ZBBX: variants seen among roughly 807,000 people sequenced by gnomAD.
ZBBX encodes the protein zinc finger B-box domain-containing protein 1.
ZBBX carries 101 observed loss-of-function variants against 108.5 expected under a neutral mutation model. The ratio of observed to expected loss-of-function variants is 0.93; its 90% CI spans 0.79 to 1.10. The LOEUF (loss-of-function observed/expected upper bound fraction) is 1.10. ZBBX is among the 50% of genes least tolerant of loss of function. The probability of loss-of-function intolerance (pLI) is 0.00; values close to 1 mark genes in which losing one functional copy is unlikely to be tolerated. For missense variants in ZBBX, 1,009 were observed against 941.4 expected, an observed-to-expected ratio of 1.07 and a Z score of -0.94; for synonymous variants, 356 against 323.4, an observed-to-expected ratio of 1.10 and a Z score of -1.08.
chr3:167,247,545 AG>A (rs772731819), intron 20 of ZBBX, among the ~76,000 whole-genome samples: 9 of 152,300 alleles, frequency 5.9e-5, no homozygotes, highest in Admixed American at 1.3e-4. Context: ...GACAAGCTAG[AG>A]GGTCTAATTG....
the ZBBX span, among the ~76,000 whole-genome samples, chr3:167,198,314 T>C: frequency 6.6e-6 from 1 of 152,116 alleles, no homozygotes; most frequent in Non-Finnish European, 1.5e-5. Flanking sequence ...TTATAAGGGC[T>C]TTATTAAACT....
intron 20 of ZBBX, among the ~76,000 whole-genome samples, chr3:167,271,514 T>C (rs1726515318): frequency 6.6e-6 from 1 of 152,042 alleles, no homozygotes; most frequent in African/African-American, 2.4e-5. Flanking sequence ...GGAAAATGGG[T>C]ATTACCAGAC....
intron 19 of ZBBX, among the ~76,000 whole-genome samples, chr3:167,287,767 G>C (rs555158854): frequency 6.6e-6 from 1 of 151,958 alleles, no homozygotes; most frequent in Non-Finnish European, 1.5e-5. Context: ...AGTTGCTGTC[G>C]ACTTTGATGT....
intron 1 of ZBBX, among the ~76,000 whole-genome samples, chr3:167,406,700 G>T (rs990490855): frequency 3.3e-5 from 5 of 152,196 alleles, no homozygotes; most frequent in Admixed American, 2.6e-4. Context: ...TAGGAAAGTA[G>T]TTTACAATTC....
the ZBBX span, among the ~76,000 whole-genome samples, chr3:167,225,984 G>A: frequency 6.6e-6 from 1 of 151,188 alleles, no homozygotes; most frequent in African/African-American, 2.4e-5. Flanking sequence ...AGGGCATGTA[G>A]CTTGTCAGAG....
intron 7 of ZBBX, among the ~76,000 whole-genome samples, 173 bp from the exon 8 acceptor site, chr3:167,360,152 A>C (rs1001744510): frequency 6.8e-6 from 1 of 148,070 alleles, no homozygotes; most frequent in South Asian, 2.1e-4. Flanking sequence ...TATGTATATA[A>C]ATATATATTA....
At chr3:167,284,787 C>G (rs1261419651) in intron 19 of ZBBX, among the ~76,000 whole-genome samples, 2 of 152,052 alleles carry the variant, frequency 1.3e-5, no homozygotes, top group African/African-American at 2.4e-5. Flanking sequence ...CAGAAACAGA[C>G]AGAAGAGGCC....
intron 20 of ZBBX, among the ~76,000 whole-genome samples, chr3:167,244,444 T>C (rs543912044): frequency 4.5e-4 from 69 of 152,358 alleles, no homozygotes; most frequent in Admixed American, 1.5e-3. Flanking sequence ...AACTCTATTA[T>C]GCATTTGAGC....
chr3:167,330,155 G>A (rs1364458694), intron 10 of ZBBX, among the ~76,000 whole-genome samples: 2 of 152,082 alleles, frequency 1.3e-5, no homozygotes, highest in African/African-American at 4.8e-5. Context: ...TACATAGAAT[G>A]AGAAGGTTGT....
At chr3:167,334,534 A>G (rs1229213983) in intron 9 of ZBBX, among the ~76,000 whole-genome samples, 2 of 152,156 alleles carry the variant, frequency 1.3e-5, no homozygotes, top group Admixed American at 1.3e-4. Flanking sequence ...AGATCAAGCC[A>G]CTGCACTCCA....
At chr3:167,278,566 T>C (rs1249167950) in intron 20 of ZBBX, among the ~76,000 whole-genome samples, 2 of 148,568 alleles carry the variant, frequency 1.3e-5, no homozygotes, top group African/African-American at 5.0e-5. Context: ...GTTGAATCTC[T>C]GAATAGACCA....
At chr3:167,292,728 CA>C (rs1730924080) in intron 18 of ZBBX, among the ~76,000 whole-genome samples, 2 of 151,994 alleles carry the variant, frequency 1.3e-5, no homozygotes, top group African/African-American at 4.8e-5. Context: ...AATAGAGACA[CA>C]AAAAACCCTT....
At chr3:167,313,877 G>T in intron 16 of ZBBX, 97 bp downstream of exon 16, 1 of 1,191,610 alleles carries the variant, frequency 8.4e-7, no homozygotes, top group Non-Finnish European at 1.1e-6. Flanking sequence ...GGTTTTTTTG[G>T]TTTTAAAATG....
At chr3:167,235,617 T>A (rs1040145838), downstream of ZBBX, among the ~76,000 whole-genome samples, 1 of 151,640 alleles carries the variant, frequency 6.6e-6, no homozygotes, top group Admixed American at 6.6e-5. Flanking sequence ...TTCAGAACTA[T>A]GTTTTCATAA....
chr3:167,219,784 T>C, the ZBBX span, among the ~76,000 whole-genome samples: 1 of 151,694 alleles, frequency 6.6e-6, no homozygotes, highest in Non-Finnish European at 1.5e-5. Context: ...TAAATGAAAC[T>C]GGATTTAAAA....
chr3:167,216,022 T>C, the ZBBX span, among the ~76,000 whole-genome samples: 4 of 152,170 alleles, frequency 2.6e-5, no homozygotes, highest in East Asian at 1.9e-4. Flanking sequence ...GCCAACATTA[T>C]ACTGAGTGGG....
At chr3:167,262,974 A>T (rs1343195395) in intron 20 of ZBBX, among the ~76,000 whole-genome samples, 2 of 146,032 alleles carry the variant, frequency 1.4e-5, no homozygotes, top group East Asian at 2.0e-4. Context: ...TTCTGTTCTG[A>T]TCATTAGTAT....
At chr3:167,342,840 G>T (rs1740784255) in intron 9 of ZBBX, among the ~76,000 whole-genome samples, 1 of 151,156 alleles carries the variant, frequency 6.6e-6, no homozygotes, top group African/African-American at 2.4e-5. Context: ...ACTTTTGGAG[G>T]TGATGGATGG....
intron 20 of ZBBX, among the ~76,000 whole-genome samples, chr3:167,271,575 G>A (rs2108473779): frequency 6.6e-6 from 1 of 152,294 alleles, no homozygotes; most frequent in African/African-American, 2.4e-5. Flanking sequence ...TGCCTCACTT[G>A]CATCAAGGGA....
Sources: gnomAD v4.1 joint callset for allele counts (sites outside exome capture counted in the v4.1 genomes callset) on GRCh38, gnomAD v4.1.1 for gene constraint, MANE v1.5 for transcripts, NCBI Gene and HGNC (gene_info 2026-07-23, HGNC 2026-07-21) for gene names.